XIRP2: variants seen among roughly 807,000 people sequenced by gnomAD.
XIRP2 encodes the protein xin actin binding repeat containing 2.
A neutral mutation model predicts 277.0 loss-of-function variants in XIRP2; 236 were observed. The ratio of observed to expected loss-of-function variants is 0.85; its 90% CI spans 0.77 to 0.95. XIRP2 has a LOEUF of 0.95. XIRP2 is among the 40% of genes least tolerant of loss of function. XIRP2 has a pLI of 0.00. For missense variants in XIRP2, 4,640 were observed against 4,157.5 expected (o/e 1.12, Z -3.19); for synonymous variants, 1,490 against 1,416.5 (o/e 1.05, Z -1.17).
intron 2 of XIRP2, among the ~76,000 whole-genome samples, chr2:167,009,444 T>G (rs1687602474): frequency 6.6e-6 from 1 of 152,078 alleles, no homozygotes; most frequent in South Asian, 2.1e-4. Context: ...TGTGCCACAT[T>G]TTCTTAATCC....
In XIRP2 at chr2:167,138,003, C is replaced by T. The variant is rs1277538848; in HGVS notation, c.562+1941C>T. ...AGCATGCAAGTTAAACTGGACAAAACCTACAAACCAAGAGCATTTTGATAT... is the reference window on the plus strand; with the variant it reads ...AGCATGCAAGTTAAACTGGACAAAATCTACAAACCAAGAGCATTTTGATAT... On this transcript the variant is annotated intron_variant, in intron 3 of 10. Transcript: ENST00000409195. 4.6e-5 allele frequency among the ~76,000 whole-genome samples: 7 copies of T among 152,066 alleles called. No individual in the cohort carries two copies. The East Asian group carries it at 1.3e-3, about 29-fold the overall frequency.
At chr2:167,128,385 A>T (rs1300032671) in intron 2 of XIRP2, among the ~76,000 whole-genome samples, 2 of 152,168 alleles carry the variant, frequency 1.3e-5, no homozygotes, top group Non-Finnish European at 2.9e-5. Context: ...TTCAGTAAGT[A>T]GTCAACCCTC....
At chr2:166,906,959 A>G (rs1477596335) in intron 2 of XIRP2, among the ~76,000 whole-genome samples, 1 of 152,178 alleles carries the variant, frequency 6.6e-6, no homozygotes, top group Non-Finnish European at 1.5e-5. Flanking sequence ...GTGCAAGGTC[A>G]TTAAAAAGAG....
At chr2:167,252,482 A>G (rs915139862) in intron 9 of XIRP2, among the ~76,000 whole-genome samples, 1 of 151,950 alleles carries the variant, frequency 6.6e-6, no homozygotes. Context: ...AACTATTGCT[A>G]CTGAGTTGGA....
intron 3 of XIRP2, among the ~76,000 whole-genome samples, chr2:167,136,648 A>T (rs1384128269): frequency 1.6e-4 from 25 of 152,210 alleles, no homozygotes; most frequent in Admixed American, 1.6e-3. Context: ...ATTATTTTCA[A>T]CAATGACAGA....
intron 2 of XIRP2, among the ~76,000 whole-genome samples, chr2:167,050,192 C>T (rs1688881976): frequency 6.6e-6 from 1 of 152,004 alleles, no homozygotes; most frequent in African/African-American, 2.4e-5. Flanking sequence ...AGTGTAACTG[C>T]CACAACCCTG....
intron 2 of XIRP2, among the ~76,000 whole-genome samples, chr2:166,984,932 A>C (rs775191281): frequency 6.6e-6 from 1 of 152,244 alleles, no homozygotes; most frequent in African/African-American, 2.4e-5. Context: ...AGTTCCAACT[A>C]CTGTGGCCTT....
chr2:167,244,047 A>C lies in XIRP2; in HGVS notation c.2655A>C (p.Glu885Asp), dbSNP rs762244496. Reference sequence around the variant, plus strand: ...ATCTATTTGAAACACTTCCAATTGAAGCATTAAAAGACAGTCCTGATATAG... The same window carrying C: ...ATCTATTTGAAACACTTCCAATTGACGCATTAAAAGACAGTCCTGATATAG... The part of the protein sequence containing the change: ...TKHLFETLPI[E>D]ALKDSPDIGK... The change falls in exon 9 of 11, where the codon GAA (glutamate) becomes GAC (aspartate). Residue 885 changes from glutamate to aspartate, a missense_variant. Transcript: ENST00000409195. 2.5e-5 allele frequency: 40 copies of C among 1,613,822 alleles called. 1 individual carries two copies. In the South Asian group the frequency reaches 3.5e-4, roughly 14 times the overall value.
At chr2:167,231,521 T>C (rs552041418) in intron 5 of XIRP2, among the ~76,000 whole-genome samples, 45 of 152,076 alleles carry the variant, frequency 3.0e-4, no homozygotes, top group African/African-American at 1.0e-3. Context: ...GTTAAGAAGA[T>C]CTCAGTGTTC....
chr2:167,014,924 A>G (rs924038305), intron 2 of XIRP2, among the ~76,000 whole-genome samples: 2 of 151,830 alleles, frequency 1.3e-5, no homozygotes, highest in Non-Finnish European at 2.9e-5. Flanking sequence ...ACACTACGGT[A>G]ATACATTACA....
chr2:167,251,208 T>G lies in XIRP2; in HGVS notation c.9816T>G (p.Val3272=). 1 of 1,613,530 alleles carries G rather than the reference T, an allele frequency of 6.2e-7. No homozygotes were observed. Among genetic ancestry groups the G allele is most frequent in the African/African-American group, 1.3e-5 (1 of 74,972 alleles). Reference sequence around the variant, plus strand: ...AAGTGGAGAAGAGAGCTACTTATGTTCATAAAGATGGACTAAATTCCACTG... The same window carrying G: ...AAGTGGAGAAGAGAGCTACTTATGTGCATAAAGATGGACTAAATTCCACTG... ...IRKVEKRATY[V]HKDGLNSTDH... The change falls in exon 9 of 11, where the codon GTT becomes GTG. Residue 3272 remains valine, a synonymous_variant. Coordinates refer to ENST00000409195, the MANE Select transcript of XIRP2 (RefSeq NM_152381.6).
intron 2 of XIRP2, among the ~76,000 whole-genome samples, chr2:166,926,674 G>A (rs971293002): frequency 6.6e-6 from 1 of 152,094 alleles, no homozygotes; most frequent in African/African-American, 2.4e-5. Flanking sequence ...CATGCTTGGT[G>A]CAGAATTGTT....
In XIRP2 at chr2:166,955,497, G is replaced by A. The variant is rs546767062; in HGVS notation, c.408+51607G>A. Reference sequence around the variant, plus strand: ...GGAAATGTTCTTAAAACTCCAAATGGCAATGATTGTACAACTTGATAATTT... The same window carrying A: ...GGAAATGTTCTTAAAACTCCAAATGACAATGATTGTACAACTTGATAATTT... On this transcript the variant is annotated intron_variant, in intron 2 of 10. Coordinates refer to ENST00000409195, the MANE Select transcript of XIRP2 (RefSeq NM_152381.6). Among the ~76,000 whole-genome samples the A allele has an allele frequency of 3.3e-5, 5 of 151,754 alleles. 1 individual carries two copies. The South Asian group carries it at 1.0e-3, about 31-fold the overall frequency.
intron 3 of XIRP2, among the ~76,000 whole-genome samples, chr2:167,201,986 A>C (rs557976806): frequency 6.6e-6 from 1 of 152,344 alleles, no homozygotes; most frequent in South Asian, 2.1e-4. Context: ...AAATGGGAAT[A>C]AACCACCCAT....
intron 2 of XIRP2, among the ~76,000 whole-genome samples, chr2:167,123,518 GTTTT>G (rs1382684192): frequency 6.6e-6 from 1 of 151,940 alleles, no homozygotes; most frequent in Non-Finnish European, 1.5e-5. Flanking sequence ...GTTTTGTTTT[GTTTT>G]GTTTTGCAGT....
chr2:167,127,935 G>A (rs1439372837), intron 2 of XIRP2, among the ~76,000 whole-genome samples: 1 of 152,210 alleles, frequency 6.6e-6, no homozygotes, highest in Non-Finnish European at 1.5e-5. Context: ...CCCCAAAACT[G>A]AGGGCATGGC....
chr2:166,951,927 G>A (rs1169875128), intron 2 of XIRP2, among the ~76,000 whole-genome samples: 1 of 152,056 alleles, frequency 6.6e-6, no homozygotes, highest in African/African-American at 2.4e-5. Flanking sequence ...GAGGCAGGAT[G>A]TAATCGTGCT....
chr2:167,160,172 A>C (rs959718009), intron 3 of XIRP2, among the ~76,000 whole-genome samples: 2 of 152,236 alleles, frequency 1.3e-5, no homozygotes, highest in Non-Finnish European at 2.9e-5. Flanking sequence ...TCATAAAAAA[A>C]AATTTTAATG....
chr2:167,063,257 T>A (rs1286363075), intron 2 of XIRP2, among the ~76,000 whole-genome samples: 1 of 152,024 alleles, frequency 6.6e-6, no homozygotes, highest in African/African-American at 2.4e-5. Flanking sequence ...CGTTTTTGTG[T>A]TCAGACAATA....
Sources: allele counts gnomAD v4.1 joint callset (sites outside exome capture counted in the v4.1 genomes callset), GRCh38; gene constraint gnomAD v4.1.1; transcripts MANE v1.5; gene names NCBI Gene and HGNC (gene_info 2026-07-23, HGNC 2026-07-21).